Variants in SEC31A observed in about 807,000 individuals in gnomAD.
SEC31A encodes protein transport protein Sec31A.
In SEC31A, 70 loss-of-function variants were observed where a neutral mutation model predicts 151.0. The observed-to-expected ratio is 0.46, with a 90% confidence interval of 0.38 to 0.57. The LOEUF (loss-of-function observed/expected upper bound fraction) is 0.57, where lower values mean the gene tolerates loss of function less well. SEC31A is among the 20% of genes least tolerant of loss of function. The probability of loss-of-function intolerance (pLI) is 0.00; values close to 1 mark genes in which losing one functional copy is unlikely to be tolerated. For synonymous variants in SEC31A, 475 were observed against 505.9 expected (o/e 0.94, Z 0.82); for missense variants, 1,330 against 1,471.2 (o/e 0.90, Z 1.57).
At position 82,900,514 on chromosome 4, in the gene SEC31A, G is replaced by C. The variant is rs1560688837; in HGVS notation, c.-354C>G. The C allele has an allele frequency of 6.4e-6, 3 of 470,192 alleles. 1 individual carries two copies. The highest frequency in any genetic ancestry group is 6.1e-5 in the South Asian group (2 of 32,958). 29.1% of individuals were successfully genotyped at this position (470,192 alleles called of 1,614,324 possible). On this transcript the variant is annotated 5_prime_UTR_variant, in exon 1 of 29. Coordinates refer to the SEC31A transcript ENST00000355196. ...GTGAAAACAGAAGGAAAATAAACCG[G>C]TTGCAGCAAAACCCACTATTCCGCC... is the stretch of plus-strand genomic sequence containing the variant.
chr4:82,822,084 C>G (rs1723488966), intron 25 of SEC31A, among the ~76,000 whole-genome samples: 3 of 152,112 alleles, frequency 2.0e-5, no homozygotes, highest in Admixed American at 1.3e-4. Context: ...AAAACTAAAA[C>G]TAACAGTTTT....
chr4:82,886,589 A>C (rs1740760228), intron 1 of SEC31A, among the ~76,000 whole-genome samples: 2 of 152,182 alleles, frequency 1.3e-5, no homozygotes, highest in African/African-American at 4.8e-5. Flanking sequence ...AGATATAAAA[A>C]AGGCATTTAT....
chr4:82,887,527 T>C (rs1741021501), intron 1 of SEC31A, among the ~76,000 whole-genome samples: 1 of 152,204 alleles, frequency 6.6e-6, no homozygotes, highest in South Asian at 2.1e-4. Context: ...TCAGTTTAAA[T>C]TCCAGCTTCA....
chr4:82,854,994 C>CT lies in SEC31A; in HGVS notation c.1916dup (p.Ile640AspfsTer3). The CT allele has an allele frequency of 6.2e-7, 1 of 1,613,728 alleles. No individual in the cohort carries two copies. Among genetic ancestry groups the CT allele is most frequent in the Non-Finnish European group, 8.5e-7 (1 of 1,179,828 alleles). On this transcript the variant is annotated frameshift_variant, in exon 17 of 27. Transcript: ENST00000395310. LOFTEE classifies it high-confidence loss of function. ...TTTTAAGATCACAAGACTCAACAAT[C>CT]TCTTTCCAGTTCTTCATCACCACTG...
chr4:82,828,877 C>T, intron 23 of SEC31A, 123 bp downstream of exon 23: 1 of 702,694 alleles, frequency 1.4e-6, no homozygotes, highest in Non-Finnish European at 2.5e-6. Flanking sequence ...TTGAAATACA[C>T]TTTAAATACA....
At chr4:82,869,787 A>G (rs1049344945) in intron 8 of SEC31A, among the ~76,000 whole-genome samples, 1 of 152,184 alleles carries the variant, frequency 6.6e-6, no homozygotes, top group Non-Finnish European at 1.5e-5. Context: ...TATCGAAGAC[A>G]CTCTTTATTT....
intron 1 of SEC31A, 85 bp downstream of exon 1, chr4:82,891,003 C>CA: frequency 6.6e-7 from 1 of 1,521,682 alleles, no homozygotes; most frequent in Non-Finnish European, 8.8e-7. Flanking sequence ...AGCGGAGACC[C>CA]AGGCTGCGGT....
At chr4:82,834,241 G>C (rs369209494) in intron 22 of SEC31A, among the ~76,000 whole-genome samples, 2 of 152,206 alleles carry the variant, frequency 1.3e-5, no homozygotes, top group African/African-American at 4.8e-5. Context: ...TTCTGGCTGA[G>C]AGAGGTAATA....
At chr4:82,822,011 A>G (rs1723476849) in intron 25 of SEC31A, among the ~76,000 whole-genome samples, 1 of 152,218 alleles carries the variant, frequency 6.6e-6, no homozygotes, top group Non-Finnish European at 1.5e-5. Context: ...TAAATTATTA[A>G]ATTAAAAAGC....
In SEC31A at chr4:82,842,147, T is replaced by C. The variant is rs774239697; in HGVS notation, c.2961A>G (p.Gln987=). The stretch of plus-strand genomic sequence containing the variant: ...TCCCTTTCAAGCGCAGACCTGTTCT[T>C]TGGGACGCAGGCAGCTCACTGGCAG... ...LPAASELPAS[Q]RTGPQNGWND... Residue 987 remains glutamine, a synonymous_variant, in exon 22 of 27, where the codon CAA becomes CAG. Coordinates refer to ENST00000395310, the MANE Select transcript of SEC31A (RefSeq NM_001077207.4). 9.6e-6 allele frequency: 15 copies of C among 1,555,284 alleles called. No individual in the cohort carries two copies. The African/African-American group carries it at 1.4e-4, about 14-fold the overall frequency.
intron 22 of SEC31A, among the ~76,000 whole-genome samples, chr4:82,832,305 G>C (rs990057706): frequency 6.6e-6 from 1 of 152,106 alleles, no homozygotes; most frequent in South Asian, 2.1e-4. Context: ...CAAGCAATGG[G>C]GAAAAGATTC....
chr4:82,891,249 G>A, upstream of SEC31A: 2 of 1,392,296 alleles, frequency 1.4e-6, no homozygotes, highest in Non-Finnish European at 1.9e-6. Flanking sequence ...ACACTTCCGG[G>A]AGCGACATCT....
chr4:82,854,122 G>GGGAGGCT (rs1732051187), intron 17 of SEC31A, among the ~76,000 whole-genome samples: 1 of 152,172 alleles, frequency 6.6e-6, no homozygotes, highest in Non-Finnish European at 1.5e-5. Context: ...CCAGCAGTTT[G>GGGAGGCT]GGAGGCTGAG....
At chr4:82,871,874 G>A in intron 7 of SEC31A, 70 bp downstream of exon 7, 1 of 1,602,030 alleles carries the variant, frequency 6.2e-7, no homozygotes, top group Non-Finnish European at 8.5e-7. Flanking sequence ...GTGTATTTCT[G>A]GTCACGAAAA....
At chr4:82,882,601 C>T (rs1390106134) in intron 1 of SEC31A, among the ~76,000 whole-genome samples, 1 of 152,052 alleles carries the variant, frequency 6.6e-6, no homozygotes. Flanking sequence ...GATGACAAAA[C>T]ATTACGGGTA....
chr4:82,895,139 T>C (rs1720012228), upstream of SEC31A: 1 of 152,212 alleles, frequency 6.6e-6, no homozygotes, highest in Non-Finnish European at 1.5e-5. Flanking sequence ...AAACCCTGGA[T>C]CTTTAAGAAT....
At chr4:82,824,483 G>A (rs1481512685) in intron 25 of SEC31A, 72 bp downstream of exon 25, 59 of 1,528,444 alleles carry the variant, frequency 3.9e-5, no homozygotes, top group Non-Finnish European at 4.8e-5. Flanking sequence ...GGGATTACAC[G>A]CATAAGCCAC....
chr4:82,887,346 T>C (rs1279424882), intron 1 of SEC31A, among the ~76,000 whole-genome samples: 1 of 152,100 alleles, frequency 6.6e-6, no homozygotes, highest in African/African-American at 2.4e-5. Context: ...TTTACTAAAG[T>C]TTATTTCTTA....
chr4:82,858,775 T>C (rs1042666745), intron 14 of SEC31A, among the ~76,000 whole-genome samples: 13 of 151,510 alleles, frequency 8.6e-5, no homozygotes, highest in Non-Finnish European at 1.3e-4. Context: ...CACTCTCGGC[T>C]CACTGCAAAC....
Sources: allele counts gnomAD v4.1 joint callset (sites outside exome capture counted in the v4.1 genomes callset), GRCh38; gene constraint gnomAD v4.1.1; transcripts MANE v1.5; gene names NCBI Gene and HGNC (gene_info 2026-07-23, HGNC 2026-07-21).